Variants in DGKI observed in about 807,000 individuals in gnomAD.
The protein encoded by DGKI is DAG kinase iota.
DGKI carries 55 observed loss-of-function variants against 147.5 expected under a neutral mutation model. The observed-to-expected ratio is 0.37, with a 90% CI of 0.30 to 0.47. The LOEUF (loss-of-function observed/expected upper bound fraction) is 0.47. Among genes scored for constraint, DGKI ranks in the 20% least tolerant of loss-of-function variants. DGKI has a pLI of 1.00. For synonymous variants in DGKI, 469 were observed against 477.1 expected (o/e 0.98, Z 0.22); for missense variants, 1,007 against 1,323.8 (o/e 0.76, Z 3.71).
intron 28 of DGKI, among the ~76,000 whole-genome samples, chr7:137,424,002 C>T (rs1373533171): frequency 1.3e-5 from 2 of 152,196 alleles, no homozygotes; most frequent in African/African-American, 2.4e-5. Context: ...TCTCCTAATG[C>T]TATCCCTCCC....
At chr7:137,486,653 T>C (rs959059099) in intron 22 of DGKI, among the ~76,000 whole-genome samples, 2 of 152,140 alleles carry the variant, frequency 1.3e-5, no homozygotes, top group African/African-American at 2.4e-5. Flanking sequence ...AAATCAGTAA[T>C]TTTTCACATC....
chr7:137,846,440 G>T lies in DGKI; in HGVS notation c.401+22C>A. ...CTCCCGCCGCGGCGCACCTGTCTCGGCTGCCGGCTCCCCGCACCTACCTGT... is the reference window on the plus strand; with the variant it reads ...CTCCCGCCGCGGCGCACCTGTCTCGTCTGCCGGCTCCCCGCACCTACCTGT... On this transcript the variant is annotated intron_variant, in intron 1 of 32. Coordinates refer to ENST00000614521, the MANE Select transcript of DGKI (RefSeq NM_001321708.2). The surrounding 1 kb of genome is among the most constrained non-coding windows in gnomAD (Gnocchi z 4.0). 1 of 1,554,406 alleles carries T rather than the reference G, an allele frequency of 6.4e-7. No individual in the cohort carries two copies. The highest frequency in any genetic ancestry group is 8.7e-7 in the Non-Finnish European group (1 of 1,144,280).
At chr7:137,509,495 T>C (rs918119969) in intron 21 of DGKI, among the ~76,000 whole-genome samples, 1 of 152,156 alleles carries the variant, frequency 6.6e-6, no homozygotes, top group Non-Finnish European at 1.5e-5. Context: ...TGAAGTCGTT[T>C]TGCATAGCTG....
chr7:137,447,056 T>C (rs1001636279), intron 27 of DGKI, among the ~76,000 whole-genome samples: 2 of 152,216 alleles, frequency 1.3e-5, no homozygotes, highest in Admixed American at 6.5e-5. Context: ...TGATCATGAG[T>C]CCTTTAGCTA....
At chr7:137,667,665 T>C (rs10281950) in intron 3 of DGKI, among the ~76,000 whole-genome samples, 3,946 of 142,216 alleles carry the variant, frequency 0.028, 163 homozygotes, top group African/African-American at 0.12. Flanking sequence ...ACTGTATTTC[T>C]AGTTAAGAAG....
In DGKI at chr7:137,558,603, G is replaced by A. The variant is rs576811169; in HGVS notation, c.1948-6035C>T. On this transcript the variant is annotated intron_variant, in intron 19 of 32. Transcript: ENST00000614521. ...CACTGGTGTGTTTTAAAGCTCCATG[G>A]TAAAACATGCTGTAGGGAACCTAAA... Among the ~76,000 whole-genome samples the A allele has an allele frequency of 3.6e-5, 5 of 140,658 alleles. No individual in the cohort carries two copies. The East Asian group carries it at 1.1e-3, about 30-fold the overall frequency. The allele number at this position is 140,658 out of a possible 152,430, so 92.3% of individuals were successfully genotyped here.
chr7:137,798,154 A>G (rs1363494140), intron 1 of DGKI, among the ~76,000 whole-genome samples: 1 of 152,168 alleles, frequency 6.6e-6, no homozygotes, highest in Non-Finnish European at 1.5e-5. Context: ...AAAAAACAGA[A>G]AATGTGAAGA....
intron 28 of DGKI, among the ~76,000 whole-genome samples, chr7:137,442,106 CT>C (rs1813533154): frequency 6.6e-6 from 1 of 151,986 alleles, no homozygotes; most frequent in African/African-American, 2.4e-5. Flanking sequence ...GCATTATGTA[CT>C]TGAACTATTT....
At chr7:137,824,390 T>G (rs1359171822) in intron 1 of DGKI, among the ~76,000 whole-genome samples, 1 of 151,622 alleles carries the variant, frequency 6.6e-6, no homozygotes, top group East Asian at 1.9e-4. Flanking sequence ...GTGGCACATG[T>G]CTGTAATCCC....
chr7:137,563,451 A>T (rs1198781233), intron 19 of DGKI, among the ~76,000 whole-genome samples: 2 of 151,976 alleles, frequency 1.3e-5, no homozygotes, highest in African/African-American at 4.8e-5. Context: ...TTTTTTAAAT[A>T]AAAAATAAAA....
At chr7:137,434,398 G>C (rs1342861339) in intron 28 of DGKI, among the ~76,000 whole-genome samples, 1 of 151,960 alleles carries the variant, frequency 6.6e-6, no homozygotes, top group Non-Finnish European at 1.5e-5. Context: ...TGACCAACAT[G>C]GTGAAACCCT....
intron 19 of DGKI, among the ~76,000 whole-genome samples, chr7:137,556,178 A>C (rs1230662492): frequency 6.6e-6 from 1 of 152,132 alleles, no homozygotes; most frequent in African/African-American, 2.4e-5. Context: ...TTTTATGATA[A>C]AAATGAATTT....
intron 4 of DGKI, 35 bp from the exon 5 acceptor site, chr7:137,654,823 G>C: frequency 7.4e-7 from 1 of 1,354,102 alleles, no homozygotes; most frequent in Non-Finnish European, 1.0e-6. Context: ...TTATATTAGA[G>C]ATAAGCATCA....
rs557960066 is a variant in DGKI at position 137,385,126 on chromosome 7, G to T, written c.*6094C>A. The T allele has an allele frequency of 3.9e-5, 6 of 151,968 alleles. No individual in the cohort carries two copies. The East Asian group carries it at 1.2e-3, about 29-fold the overall frequency. 9.4% of individuals were successfully genotyped at this position (151,968 alleles called of 1,614,324 possible). ...TGGACAGTAAGACAGATTTCTAATA[G>T]AATTTTACTTGACAATGACTAAGAA... On this transcript the variant is annotated 3_prime_UTR_variant, in exon 33 of 33. Coordinates refer to ENST00000614521, the MANE Select transcript of DGKI (RefSeq NM_001321708.2).
At chr7:137,555,122 G>T (rs73453511) in intron 19 of DGKI, among the ~76,000 whole-genome samples, 9,985 of 151,496 alleles carry the variant, frequency 0.066, 828 homozygotes, top group African/African-American at 0.2. Flanking sequence ...CACCGTGTTG[G>T]CCAGGATGGT....
intron 1 of DGKI, among the ~76,000 whole-genome samples, chr7:137,703,156 C>T (rs968092302): frequency 6.6e-6 from 1 of 152,160 alleles, no homozygotes; most frequent in Non-Finnish European, 1.5e-5. Flanking sequence ...TCTCCGGAAA[C>T]TTACGATCAC....
At chr7:137,811,667 A>G (rs555240207) in intron 1 of DGKI, among the ~76,000 whole-genome samples, 19 of 152,326 alleles carry the variant, frequency 1.2e-4, no homozygotes, top group Non-Finnish European at 2.5e-4. Context: ...TGTACACCCA[A>G]TTAGGACCAA....
intron 28 of DGKI, among the ~76,000 whole-genome samples, chr7:137,423,826 C>A (rs1044716894): frequency 2.0e-5 from 3 of 152,100 alleles, no homozygotes; most frequent in African/African-American, 7.2e-5. Context: ...CAAGAGCATA[C>A]CCTCACTTAT....
chr7:137,620,025 A>ACACG, intron 7 of DGKI, 85 bp from the exon 8 acceptor site: 1 of 665,718 alleles, frequency 1.5e-6, no homozygotes, highest in South Asian at 1.8e-5. Context: ...ACACGCACAC[A>ACACG]CACACACACA....
Sources: gnomAD v4.1 joint callset for allele counts (sites outside exome capture counted in the v4.1 genomes callset) on GRCh38, gnomAD v4.1.1 for gene constraint, Gnocchi (gnomAD v3.1) non-coding constraint, MANE v1.5 for transcripts, NCBI Gene and HGNC (gene_info 2026-07-23, HGNC 2026-07-21) for gene names.